The following ZNF618 variants were observed in gnomAD, a reference collection of about 807,000 sequenced individuals.
The protein encoded by ZNF618 is neural precursor cell expressed, developmentally down-regulated 10.
ZNF618 carries 34 observed loss-of-function variants against 103.0 expected under a neutral mutation model. The observed-to-expected ratio is 0.33, with a 90% CI of 0.25 to 0.44. The LOEUF (loss-of-function observed/expected upper bound fraction) is 0.44, where lower values mean the gene tolerates loss of function less well. ZNF618 is among the 20% of genes least tolerant of loss of function. The pLI is 1.00. For synonymous variants in ZNF618, 551 were observed against 542.2 expected (o/e 1.02, Z -0.23); for missense variants, 1,059 against 1,295.4 (o/e 0.82, Z 2.80).
rs566057285 is a variant in ZNF618 at position 114,047,835 on chromosome 9, G to A, written c.1247-58G>A. 2.5e-5 allele frequency: 36 copies of A among 1,459,522 alleles called. No homozygotes were observed. In the East Asian group the frequency reaches 3.7e-4, roughly 15 times the overall value. 90.4% of individuals were successfully genotyped at this position (1,459,522 alleles called of 1,614,324 possible). A position where few individuals can be genotyped will look rare whatever the true frequency, so the allele number is the denominator to read the frequency against. On this transcript the variant is annotated intron_variant, in intron 13 of 14. Transcript: ENST00000374126. ...CCCACCACACTCTAGTTCTCATCTC[G>A]TTCCTCAACAGGCCTCTTACCCTTC...
chr9:113,951,406 T>C (rs548585921), intron 1 of ZNF618, among the ~76,000 whole-genome samples: 5 of 134,660 alleles, frequency 3.7e-5, no homozygotes, highest in African/African-American at 1.4e-4. Flanking sequence ...TATATACGTA[T>C]ATATACACAC....
intron 13 of ZNF618, among the ~76,000 whole-genome samples, chr9:114,040,352 A>G (rs1002753076): frequency 7.4e-6 from 1 of 134,930 alleles, no homozygotes; most frequent in Non-Finnish European, 1.6e-5. Flanking sequence ...TTTTTTTTTT[A>G]TTGTACTTTA....
intron 1 of ZNF618, among the ~76,000 whole-genome samples, chr9:113,945,501 A>T (rs557354657): frequency 6.6e-6 from 1 of 152,250 alleles, no homozygotes; most frequent in Non-Finnish European, 1.5e-5. Flanking sequence ...CGTTTTGTCC[A>T]TGGCAGCCTG....
chr9:114,010,433 G>A (rs934481420), intron 9 of ZNF618, among the ~76,000 whole-genome samples: 5 of 152,170 alleles, frequency 3.3e-5, no homozygotes, highest in Middle Eastern at 3.4e-3. Flanking sequence ...CAGGCTGGGC[G>A]TGGTGGCTCT....
chr9:113,881,150 T>C (rs1828480885), intron 1 of ZNF618, among the ~76,000 whole-genome samples: 1 of 152,228 alleles, frequency 6.6e-6, no homozygotes, highest in South Asian at 2.1e-4. Flanking sequence ...GGAGTCCTTG[T>C]CTTTTGTTCC....
chr9:114,008,775 T>C (rs1841985232), intron 9 of ZNF618, among the ~76,000 whole-genome samples: 1 of 152,200 alleles, frequency 6.6e-6, no homozygotes, highest in Non-Finnish European at 1.5e-5. Context: ...GCAGCCAGGC[T>C]GGGGCTGAGT....
intron 13 of ZNF618, among the ~76,000 whole-genome samples, chr9:114,042,877 C>G (rs993266686): frequency 6.6e-6 from 1 of 152,130 alleles, no homozygotes; most frequent in East Asian, 1.9e-4. Context: ...TCCTTCATGC[C>G]CCTTTGCAGT....
At chr9:114,000,194 C>T (rs1841041999) in intron 4 of ZNF618, among the ~76,000 whole-genome samples, 1 of 152,140 alleles carries the variant, frequency 6.6e-6, no homozygotes, top group Non-Finnish European at 1.5e-5. Context: ...GTGGCACCGG[C>T]TCCTGTTCCT....
chr9:114,027,116 A>T (rs190830458), intron 10 of ZNF618, among the ~76,000 whole-genome samples: 1 of 152,318 alleles, frequency 6.6e-6, no homozygotes, highest in East Asian at 1.9e-4. Flanking sequence ...GTTAAAAAAA[A>T]AAATTGGAAA....
Position 114,036,244 on chromosome 9 carries a change from A to G in ZNF618, c.1169-56A>G, listed in dbSNP as rs557221066. On this transcript the variant is annotated intron_variant, in intron 12 of 14. Coordinates refer to ENST00000374126, the MANE Select transcript of ZNF618 (RefSeq NM_001318042.2). ...CTTGCAAAGCTGCCTGCAGCCCAGC[A>G]GAAGGTGTCTGCGTCGGTTCCACCC... 19 of 1,511,132 alleles carry G rather than the reference A, an allele frequency of 1.3e-5. No homozygotes were observed. The African/African-American group carries it at 2.2e-4, about 18-fold the overall frequency. 93.6% of individuals were successfully genotyped at this position (1,511,132 alleles called of 1,614,324 possible). A position where few individuals can be genotyped will look rare whatever the true frequency, so the allele number is the denominator to read the frequency against.
intron 2 of ZNF618, among the ~76,000 whole-genome samples, chr9:113,975,648 G>C (rs1043344230): frequency 2.0e-5 from 3 of 152,038 alleles, no homozygotes; most frequent in Admixed American, 6.5e-5. Flanking sequence ...ATGTTGAACT[G>C]GCACATGTAG....
intron 9 of ZNF618, among the ~76,000 whole-genome samples, chr9:114,014,858 G>A (rs528751894): frequency 2.0e-5 from 3 of 152,178 alleles, no homozygotes; most frequent in South Asian, 4.2e-4. Context: ...TCCAGGGACC[G>A]CACTTTGAGA....
chr9:113,909,122 G>GAC (rs1831261881), intron 1 of ZNF618, among the ~76,000 whole-genome samples: 3 of 151,926 alleles, frequency 2.0e-5, no homozygotes, highest in Admixed American at 1.3e-4. Flanking sequence ...CCTGAGCAAG[G>GAC]ACACTCTCTC....
intron 1 of ZNF618, among the ~76,000 whole-genome samples, chr9:113,966,326 A>G (rs954935487): frequency 2.0e-5 from 3 of 152,228 alleles, no homozygotes; most frequent in African/African-American, 7.2e-5. Flanking sequence ...CGGCAAAACC[A>G]GGCCTTGAAC....
intron 1 of ZNF618, among the ~76,000 whole-genome samples, chr9:113,895,267 A>G (rs1012099210): frequency 1.3e-5 from 2 of 152,130 alleles, no homozygotes; most frequent in Non-Finnish European, 2.9e-5. Flanking sequence ...TAGTAATAAG[A>G]GGGGGTAAAA....
At position 114,049,390 on chromosome 9, in the gene ZNF618, G is replaced by A. The variant is rs766860793; in HGVS notation, c.2088G>A (p.Ser696=). 8 of 1,603,908 alleles carry A rather than the reference G, an allele frequency of 5.0e-6. 1 individual carries two copies. Among genetic ancestry groups the A allele is most frequent in the Middle Eastern group, 3.3e-4 (2 of 6,076 alleles). The change falls in exon 15 of 15, where the codon TCG becomes TCA. Residue 696 remains serine, a synonymous_variant. Coordinates refer to ENST00000374126, the MANE Select transcript of ZNF618 (RefSeq NM_001318042.2). The stretch of plus-strand genomic sequence containing the variant: ...CGTCTCCACCACCCTGCTGGAACTC[G>A]GTGACGGACTCACTGTTGCTGGTGC... The part of the protein sequence containing the change: ...EETSPPPCWN[S]VTDSLLLVHE...
intron 1 of ZNF618, among the ~76,000 whole-genome samples, chr9:113,917,235 C>CTTTTTTTTTTTT (rs56300784): frequency 4.0e-5 from 3 of 74,246 alleles, no homozygotes; most frequent in African/African-American, 5.2e-5. Context: ...TCTCTCTATC[C>CTTTTTTTTTTTT]TTTTTTTTTT....
intron 9 of ZNF618, among the ~76,000 whole-genome samples, chr9:114,014,418 G>A (rs558050607): frequency 2.6e-5 from 4 of 152,216 alleles, no homozygotes; most frequent in Admixed American, 6.5e-5. Context: ...CTCCTTGAGA[G>A]CACTTACTGT....
intron 1 of ZNF618, among the ~76,000 whole-genome samples, chr9:113,891,670 C>T (rs1829628570): frequency 6.6e-6 from 1 of 152,122 alleles, no homozygotes; most frequent in African/African-American, 2.4e-5. Flanking sequence ...ATGTTTATTG[C>T]AGCATTATTT....
Sources: allele counts gnomAD v4.1 joint callset (sites outside exome capture counted in the v4.1 genomes callset), GRCh38; gene constraint gnomAD v4.1.1; transcripts MANE v1.5; gene names NCBI Gene and HGNC (gene_info 2026-07-23, HGNC 2026-07-21).